The following ADAR variants were observed in gnomAD, a reference collection of about 807,000 sequenced individuals.
ADAR encodes the protein double-stranded RNA-specific adenosine deaminase.
A neutral mutation model predicts 113.2 loss-of-function variants in ADAR; 41 were observed. The ratio of observed to expected loss-of-function variants is 0.36; its 90% CI spans 0.28 to 0.47. The LOEUF (loss-of-function observed/expected upper bound fraction) is 0.47. Among genes scored for constraint, ADAR ranks in the 20% least tolerant of loss-of-function variants. ADAR has a pLI of 1.00. For missense variants in ADAR, 1,242 were observed against 1,540.9 expected (o/e 0.81, Z 3.25); for synonymous variants, 605 against 572.6 (o/e 1.06, Z -0.81).
rs757190545 is a variant in ADAR, at chr1:154,596,797, A to C, written c.2270+8T>G. 6.2e-7 allele frequency: 1 copy of C among 1,612,572 alleles called. No homozygotes were observed. Among genetic ancestry groups the C allele is most frequent in the South Asian group, 1.1e-5 (1 of 91,002 alleles). The stretch of plus-strand genomic sequence containing the variant: ...GACACATGCATTAGCCAGGACTAGG[A>C]CACTCACTTGGGCTCGTGAGGAGGT... On this transcript the variant is annotated splice_region_variant and intron_variant, in intron 6 of 14. Transcript: ENST00000368474.
In ADAR at chr1:154,606,007, GTTA is replaced by G. The variant is rs1309411255; in HGVS notation, c.15+1982_15+1984del. 9.6e-6 allele frequency: 9 copies of G among 940,128 alleles called. No individual in the cohort carries two copies. In the East Asian group the frequency reaches 1.0e-3, roughly 109 times the overall value. The allele number at this position is 940,128 out of a possible 1,614,324, so 58.2% of individuals were successfully genotyped here. ...CATTCTATGGAATAGTACTCACACG[GTTA>G]TTTTTTTTCTTGTGAGACGGAGTCT... On this transcript the variant is annotated intron_variant, in intron 1 of 14. Coordinates refer to ENST00000368474, the MANE Select transcript of ADAR (RefSeq NM_001111.5).
At chr1:154,622,215 CCAAA>C (rs1571151221) in intron 1 of ADAR, among the ~76,000 whole-genome samples, 1 of 152,030 alleles carries the variant, frequency 6.6e-6, no homozygotes, top group Non-Finnish European at 1.5e-5. Flanking sequence ...TGGGTGAAGA[CCAAA>C]CAAAGGCGAT....
intron 2 of ADAR, among the ~76,000 whole-genome samples, chr1:154,599,942 G>C (rs1697753639): frequency 6.6e-6 from 1 of 152,178 alleles, no homozygotes; most frequent in Admixed American, 6.5e-5. Flanking sequence ...TTTCCCCCCA[G>C]GAGCTATGCA....
chr1:154,594,877 C>T (rs1389759), intron 6 of ADAR, among the ~76,000 whole-genome samples: 150,904 of 152,384 alleles, frequency 0.99, 74,733 homozygotes, highest in East Asian at 1. Flanking sequence ...AGAAGATATA[C>T]TTGTTTAAAA....
chr1:154,588,716 G>A lies in ADAR; in HGVS notation c.2763-43C>T, dbSNP rs368855871. On this transcript the variant is annotated intron_variant, in intron 9 of 14. Coordinates refer to ENST00000368474, the MANE Select transcript of ADAR (RefSeq NM_001111.5). ...GGTTAGGAAGGCAGGTTCAATTCTG[G>A]GAAAAGCAGTTGTTTCTATAATCTG... 245 of 1,613,308 alleles carry A rather than the reference G, an allele frequency of 1.5e-4. 2 individuals carry two copies. Among genetic ancestry groups the A allele is most frequent in the Non-Finnish European group, 1.9e-4 (219 of 1,179,784 alleles).
Position 154,582,825 on chromosome 1 carries a change from C to A in ADAR, c.*1981G>T, listed in dbSNP as rs899711388. On this transcript the variant is annotated 3_prime_UTR_variant, in exon 15 of 15. Transcript: ENST00000368474. ...GACCTCTCTGCCCTGGATGTGGGTG[C>A]CAAGACTGATTTACTGTGCCCCCAG... 1 of 152,226 alleles carries A rather than the reference C, an allele frequency of 6.6e-6. No homozygotes were observed. Among genetic ancestry groups the A allele is most frequent in the South Asian group, 2.1e-4 (1 of 4,826 alleles). 9.4% of individuals were successfully genotyped at this position (152,226 alleles called of 1,614,324 possible).
chr1:154,607,935 T>C, intron 1 of ADAR, 57 bp downstream of exon 1: 1 of 1,609,424 alleles, frequency 6.2e-7, no homozygotes, highest in Non-Finnish European at 8.5e-7. Context: ...ACACAAAGCC[T>C]GTGAGGTTGT....
In ADAR at chr1:154,588,606, T is replaced by C. The variant is rs373564780; in HGVS notation, c.2830A>G (p.Lys944Glu). 13 of 1,614,154 alleles carry C rather than the reference T, an allele frequency of 8.1e-6. No homozygotes were observed. Among genetic ancestry groups the C allele is most frequent in the Non-Finnish European group, 1.1e-5 (13 of 1,179,974 alleles). The change falls in exon 10 of 15, where the codon AAG becomes GAG. Residue 944 changes from lysine (K) to glutamate (E), a missense_variant. Physicochemically the swap from Lys to Glu is moderately conservative, Grantham distance 56. Coordinates refer to ENST00000368474, the MANE Select transcript of ADAR (RefSeq NM_001111.5). The part of the protein sequence containing the change: ...TAKDSIFEPA[K>E]GGEKLQIKKT... The stretch of plus-strand genomic sequence containing the variant: ...TTTATTTGGAGCTTTTCTCCTCCCT[T>C]AGCAGGTTCAAATATACTATCCTTC...
At chr1:154,595,245 T>A (rs1011214458) in intron 6 of ADAR, among the ~76,000 whole-genome samples, 1 of 152,216 alleles carries the variant, frequency 6.6e-6, no homozygotes, top group Non-Finnish European at 1.5e-5. Flanking sequence ...TTTACTATAT[T>A]TTTATCATTA....
chr1:154,601,685 A>G lies in ADAR; in HGVS notation c.957T>C (p.Ala319=). 30 of 1,614,208 alleles carry G rather than the reference A, an allele frequency of 1.9e-5. No homozygotes were observed. The highest frequency in any genetic ancestry group is 2.5e-5 in the Non-Finnish European group (29 of 1,180,042). The part of the protein sequence containing the change: ...NVSDSSALNL[A]KNIGLTKARD... ...GGGCCTTGGTAAGGCCAATATTTTT[A>G]GCCAAATTCAGGGCAGAGGAGTCAG... Residue 319 remains alanine (A), a synonymous_variant, in exon 2 of 15, where the codon GCT becomes GCC. Transcript: ENST00000368474. The surrounding 1 kb of genome is among the most constrained non-coding windows in gnomAD (Gnocchi z 4.7).
chr1:154,600,846 G>T, intron 2 of ADAR, 195 bp downstream of exon 2: 1 of 723,854 alleles, frequency 1.4e-6, no homozygotes, highest in Non-Finnish European at 2.3e-6. Context: ...CAAGATTCTG[G>T]CTGGTCCAAG....
chr1:154,612,318 G>GTTTTTTTTTT (rs55714254), upstream of ADAR, among the ~76,000 whole-genome samples: 4 of 69,200 alleles, frequency 5.8e-5, 1 homozygote, highest in African/African-American at 2.5e-4. Flanking sequence ...AAATTACTCA[G>GTTTTTTTTTT]TTTTTTTTTT....
At position 154,589,737 on chromosome 1, in the gene ADAR, T is replaced by C. The variant is rs115805812; in HGVS notation, c.2668+20A>G. 8 of 1,614,072 alleles carry C rather than the reference T, an allele frequency of 5.0e-6. No homozygotes were observed. Among genetic ancestry groups the C allele is most frequent in the South Asian group, 4.4e-5 (4 of 91,076 alleles). On this transcript the variant is annotated intron_variant, in intron 8 of 14. Coordinates refer to ENST00000368474, the MANE Select transcript of ADAR (RefSeq NM_001111.5). ...CTTTCAGGCGCCATGGGAGGCGGCA[T>C]GTCTCAGAGCCTCACTCACCTGTTC...
At chr1:154,589,966 G>A in intron 7 of ADAR, 38 bp from the exon 8 acceptor site, 1 of 1,612,172 alleles carries the variant, frequency 6.2e-7, no homozygotes, top group Non-Finnish European at 8.5e-7. Context: ...CCACAAAGCT[G>A]AGGCTGTGTC....
chr1:154,585,304 C>T lies in ADAR; in HGVS notation c.3356G>A (p.Gly1119Glu), dbSNP rs377050077. The T allele has an allele frequency of 6.2e-7, 1 of 1,614,064 alleles. No homozygotes were observed. The highest frequency in any genetic ancestry group is 1.6e-4 in the Middle Eastern group (1 of 6,084). ...GTTGACGCTTGTCTCCTTAGTCTTC[C>T]CGGATTGCCTTTTGGAATCATATAT... ...VSIYDSKRQS[G>E]KTKETSVNWC... The change falls in exon 14 of 15, where the codon GGG becomes GAG. Residue 1119 changes from glycine to glutamate, a missense_variant. By Grantham distance (98) the Gly-to-Glu change is moderately conservative. Around this residue, in one of 2 missense-constraint regions of ADAR, gnomAD observed 780 missense variants for 1,057.9 expected, o/e 0.74. Coordinates refer to ENST00000368474, the MANE Select transcript of ADAR (RefSeq NM_001111.5).
At chr1:154,600,884 GA>G in intron 2 of ADAR, 156 bp downstream of exon 2, 1 of 1,049,786 alleles carries the variant, frequency 9.5e-7, no homozygotes, top group Non-Finnish European at 1.4e-6. Context: ...AATATCTGGA[GA>G]AAGGGCCAAT....
At chr1:154,596,155 G>A (rs954117331) in intron 6 of ADAR, among the ~76,000 whole-genome samples, 2 of 152,196 alleles carry the variant, frequency 1.3e-5, no homozygotes, top group South Asian at 4.1e-4. Context: ...CTAATGCAGG[G>A]CTATAGTAAT....
intron 1 of ADAR, among the ~76,000 whole-genome samples, chr1:154,603,914 CA>C (rs1160663225): frequency 2.6e-5 from 4 of 152,158 alleles, no homozygotes; most frequent in Admixed American, 2.0e-4. Flanking sequence ...GGGATTTCAG[CA>C]TTCTTGTCAA....
At chr1:154,597,774 T>C (rs994271446) in intron 4 of ADAR, 54 bp downstream of exon 4, 47 of 1,608,168 alleles carry the variant, frequency 2.9e-5, no homozygotes, top group Non-Finnish European at 3.9e-5. Context: ...AGAAAATGTG[T>C]CTCTTTTTCT....
Sources: allele counts gnomAD v4.1 joint callset (sites outside exome capture counted in the v4.1 genomes callset), GRCh38; gene constraint gnomAD v4.1.1; regional missense constraint gnomAD v4.1.1; non-coding constraint Gnocchi (gnomAD v3.1); transcripts MANE v1.5; gene names NCBI Gene and HGNC (gene_info 2026-07-23, HGNC 2026-07-21).